The following DAB1 variants were observed in gnomAD, a reference collection of about 807,000 sequenced individuals.
The protein encoded by DAB1 is DAB adaptor protein 1.
Under a neutral mutation model 64.6 loss-of-function variants are expected in DAB1, and 15 were observed. The ratio of observed to expected loss-of-function variants is 0.23; its 90% CI spans 0.16 to 0.36. The LOEUF (loss-of-function observed/expected upper bound fraction) is 0.36, where lower values mean the gene tolerates loss of function less well. Ranked by LOEUF, DAB1 falls within the 10% of genes least tolerant of loss-of-function variation. DAB1 has a pLI of 1.00. For synonymous variants in DAB1, 235 were observed against 251.9 expected (o/e 0.93, Z 0.64); for missense variants, 596 against 706.7 (o/e 0.84, Z 1.78).
At chr1:57,874,699 G>A (rs184425927) in intron 1 of DAB1, among the ~76,000 whole-genome samples, 36 of 152,236 alleles carry the variant, frequency 2.4e-4, no homozygotes, top group Non-Finnish European at 3.4e-4. Context: ...CTGGGACCAC[G>A]TCCCAGAGGT....
chr1:58,202,755 T>C (rs1163316202), intron 4 of DAB1, among the ~76,000 whole-genome samples: 1 of 152,230 alleles, frequency 6.6e-6, no homozygotes, highest in Non-Finnish European at 1.5e-5. Flanking sequence ...ACTATGGGGT[T>C]GCTTTGTCGA....
chr1:58,490,953 C>G (rs1645674787), intron 3 of DAB1, among the ~76,000 whole-genome samples: 1 of 151,388 alleles, frequency 6.6e-6, no homozygotes, highest in Non-Finnish European at 1.5e-5. Flanking sequence ...CTACAGGCAC[C>G]CGCTACCAAG....
intron 6 of DAB1, among the ~76,000 whole-genome samples, chr1:57,777,723 C>G (rs868148789): frequency 1.3e-5 from 2 of 151,982 alleles, no homozygotes; most frequent in African/African-American, 4.8e-5. Context: ...TTCTTGTTTA[C>G]TAAGTCCATC....
intron 5 of DAB1, among the ~76,000 whole-genome samples, chr1:58,041,893 T>C (rs770462486): frequency 6.6e-5 from 10 of 152,238 alleles, no homozygotes; most frequent in Non-Finnish European, 7.3e-5. Flanking sequence ...AGGCCATGCA[T>C]ACCTGCTAAG....
chr1:58,187,674 G>A (rs1437289706), intron 4 of DAB1, among the ~76,000 whole-genome samples: 1 of 148,618 alleles, frequency 6.7e-6, no homozygotes, highest in South Asian at 2.1e-4. Context: ...TCGCCTCCCA[G>A]ATTCAAGCAA....
At chr1:57,927,789 T>A (rs1411564535) in intron 5 of DAB1, among the ~76,000 whole-genome samples, 1 of 152,214 alleles carries the variant, frequency 6.6e-6, no homozygotes, top group African/African-American at 2.4e-5. Flanking sequence ...TTTAGAAGGC[T>A]ACTAATTGTT....
intron 3 of DAB1, among the ~76,000 whole-genome samples, chr1:58,453,856 C>G (rs1449389671): frequency 6.6e-6 from 1 of 152,100 alleles, no homozygotes; most frequent in Non-Finnish European, 1.5e-5. Context: ...AGAGTCAGGA[C>G]TCAGGAATGG....
At chr1:57,739,838 G>A (rs1278721419) in intron 6 of DAB1, among the ~76,000 whole-genome samples, 3 of 151,776 alleles carry the variant, frequency 2.0e-5, no homozygotes, top group Non-Finnish European at 4.4e-5. Flanking sequence ...GTAAAATCAT[G>A]GGTTTAAGAA....
At chr1:57,193,169 G>A (rs979839126) in intron 2 of DAB1, among the ~76,000 whole-genome samples, 4 of 151,838 alleles carry the variant, frequency 2.6e-5, no homozygotes, top group Admixed American at 6.6e-5. Context: ...TCTTCCTCCT[G>A]TCTAACTGAA....
At chr1:57,418,456 T>C (rs1188832339) in intron 1 of DAB1, among the ~76,000 whole-genome samples, 1 of 151,978 alleles carries the variant, frequency 6.6e-6, no homozygotes, top group Non-Finnish European at 1.5e-5. Flanking sequence ...ACAAAGAAAA[T>C]TGTAAATCAA....
At chr1:57,665,727 T>A (rs889180693) in intron 6 of DAB1, among the ~76,000 whole-genome samples, 1 of 152,050 alleles carries the variant, frequency 6.6e-6, no homozygotes. Flanking sequence ...AAAAGCATGA[T>A]GAATATGTGT....
At chr1:58,328,719 C>T (rs924629900) in intron 4 of DAB1, among the ~76,000 whole-genome samples, 2 of 152,162 alleles carry the variant, frequency 1.3e-5, no homozygotes, top group African/African-American at 4.8e-5. Context: ...AATTATCCTG[C>T]CTCAGCCTCC....
chr1:57,664,488 G>C (rs539850672), intron 6 of DAB1, among the ~76,000 whole-genome samples: 1 of 152,180 alleles, frequency 6.6e-6, no homozygotes, highest in Admixed American at 6.5e-5. Flanking sequence ...TATGTAAACA[G>C]TTACAACTTT....
chr1:58,401,535 T>A (rs1005945156), intron 3 of DAB1, among the ~76,000 whole-genome samples: 2 of 152,268 alleles, frequency 1.3e-5, no homozygotes, highest in Non-Finnish European at 2.9e-5. Flanking sequence ...CATCTTTATG[T>A]GACTATATAC....
chr1:57,781,840 C>A (rs1650117737), intron 6 of DAB1, among the ~76,000 whole-genome samples: 1 of 151,882 alleles, frequency 6.6e-6, no homozygotes, highest in African/African-American at 2.4e-5. Context: ...TGGATCTTTA[C>A]CTTTCTGGGG....
chr1:58,254,434 G>A (rs1182821627), intron 4 of DAB1, among the ~76,000 whole-genome samples: 4 of 138,894 alleles, frequency 2.9e-5, no homozygotes, highest in Admixed American at 7.2e-5. Flanking sequence ...GGGTACATGT[G>A]CACATTGTGC....
At chr1:57,166,365 T>C (rs951968536) in intron 2 of DAB1, among the ~76,000 whole-genome samples, 6 of 152,164 alleles carry the variant, frequency 3.9e-5, no homozygotes, top group Non-Finnish European at 7.3e-5. Flanking sequence ...AAAAGAGAGA[T>C]ACAAATTATA....
chr1:57,662,991 G>T lies in DAB1; in HGVS notation n.552-13326C>A, dbSNP rs531461906. 5.3e-5 allele frequency among the ~76,000 whole-genome samples: 8 copies of T among 152,254 alleles called. No individual in the cohort carries two copies. The East Asian group carries it at 1.4e-3, about 26-fold the overall frequency. On this transcript the variant is annotated intron_variant and non_coding_transcript_variant, in intron 6 of 20. Transcript: ENST00000485760. ...GAAGAAAATTTCACTTTCTCTTAAA[G>T]GTGGTGTATTAGTGCATTCTCACAT...
chr1:57,319,139 C>T (rs1675471116), intron 1 of DAB1, among the ~76,000 whole-genome samples: 2 of 152,150 alleles, frequency 1.3e-5, no homozygotes, highest in South Asian at 4.1e-4. Context: ...TGTTGCATGG[C>T]CCCAGGGCTG....
Sources: gnomAD v4.1 joint callset for allele counts (sites outside exome capture counted in the v4.1 genomes callset) on GRCh38, gnomAD v4.1.1 for gene constraint, MANE v1.5 for transcripts, NCBI Gene and HGNC (gene_info 2026-07-23, HGNC 2026-07-21) for gene names.